Variants in CCSER1 observed in about 807,000 individuals in gnomAD.
The protein encoded by CCSER1 is serine-rich coiled-coil domain-containing protein 1.
In CCSER1, 41 loss-of-function variants were observed where a neutral mutation model predicts 82.0. The ratio of observed to expected loss-of-function variants is 0.50; its 90% CI spans 0.39 to 0.65. The LOEUF (loss-of-function observed/expected upper bound fraction) is 0.65, where lower values mean the gene tolerates loss of function less well. CCSER1 is among the 30% of genes least tolerant of loss of function. The pLI is 0.00. For missense variants in CCSER1, 1,119 were observed against 1,064.2 expected (o/e 1.05, Z -0.72); for synonymous variants, 414 against 383.9 (o/e 1.08, Z -0.92).
chr4:91,267,834 T>C (rs1200803424), intron 10 of CCSER1, among the ~76,000 whole-genome samples: 1 of 152,242 alleles, frequency 6.6e-6, no homozygotes, highest in Non-Finnish European at 1.5e-5. Context: ...TTGTGATTAC[T>C]ATTGTAAGTT....
intron 9 of CCSER1, among the ~76,000 whole-genome samples, chr4:91,039,961 A>G (rs1313036471): frequency 1.3e-5 from 2 of 152,268 alleles, no homozygotes; most frequent in Middle Eastern, 3.4e-3. Context: ...TTTACTCCCA[A>G]AATTCAAAGA....
intron 5 of CCSER1, among the ~76,000 whole-genome samples, chr4:90,602,150 G>A (rs574822355): frequency 6.6e-6 from 1 of 152,130 alleles, no homozygotes; most frequent in South Asian, 2.1e-4. Flanking sequence ...CTATAATGGG[G>A]CATTTTCAGT....
intron 4 of CCSER1, among the ~76,000 whole-genome samples, chr4:90,457,703 T>C (rs1229170314): frequency 6.6e-6 from 1 of 152,116 alleles, no homozygotes; most frequent in Non-Finnish European, 1.5e-5. Context: ...GATTGTTCCA[T>C]GGGCGGCCAT....
At chr4:91,431,498 G>A (rs906478142) in intron 10 of CCSER1, among the ~76,000 whole-genome samples, 8 of 151,840 alleles carry the variant, frequency 5.3e-5, no homozygotes, top group South Asian at 2.1e-4. Context: ...ATGGGGTTTC[G>A]CTCTTGTTGC....
At chr4:91,078,021 C>T (rs1722204719) in intron 9 of CCSER1, among the ~76,000 whole-genome samples, 2 of 152,212 alleles carry the variant, frequency 1.3e-5, no homozygotes, top group Non-Finnish European at 2.9e-5. Flanking sequence ...AGGGGCAGGG[C>T]ATAGCCGAAC....
chr4:90,799,437 A>T (rs2149693323), intron 7 of CCSER1, among the ~76,000 whole-genome samples: 1 of 152,264 alleles, frequency 6.6e-6, no homozygotes, highest in Admixed American at 6.5e-5. Context: ...TGGGGAAGCT[A>T]CAGTATGGGG....
At chr4:91,198,597 A>C (rs1286163514) in intron 10 of CCSER1, among the ~76,000 whole-genome samples, 1 of 152,186 alleles carries the variant, frequency 6.6e-6, no homozygotes, top group African/African-American at 2.4e-5. Context: ...TGATATATAC[A>C]TCACATAATC....
intron 5 of CCSER1, among the ~76,000 whole-genome samples, chr4:90,517,632 T>C (rs981334662): frequency 2.0e-5 from 3 of 152,114 alleles, no homozygotes; most frequent in Admixed American, 6.6e-5. Context: ...CCTCTGCAAC[T>C]AGATTTAAAG....
chr4:90,490,570 T>G (rs1189319388), intron 5 of CCSER1, among the ~76,000 whole-genome samples: 9 of 152,204 alleles, frequency 5.9e-5, no homozygotes, highest in Non-Finnish European at 1.2e-4. Context: ...CCATTGCTTT[T>G]GGTGTTTATA....
At chr4:90,440,180 C>A (rs999557576) in intron 4 of CCSER1, among the ~76,000 whole-genome samples, 1 of 151,596 alleles carries the variant, frequency 6.6e-6, no homozygotes, top group African/African-American at 2.4e-5. Flanking sequence ...GTTTTTTTTA[C>A]TTTTTGTAGA....
chr4:91,169,347 A>G (rs1732508690), intron 10 of CCSER1, among the ~76,000 whole-genome samples: 1 of 152,090 alleles, frequency 6.6e-6, no homozygotes, highest in South Asian at 2.1e-4. Context: ...TTGGCCAGGC[A>G]TGGTGTCTCA....
intron 10 of CCSER1, among the ~76,000 whole-genome samples, chr4:91,449,621 C>A (rs970293973): frequency 6.6e-6 from 1 of 152,018 alleles, no homozygotes; most frequent in African/African-American, 2.4e-5. Flanking sequence ...GGGCGGACCT[C>A]ATTTGGTTCT....
At chr4:91,028,865 A>G (rs1011075858) in intron 9 of CCSER1, among the ~76,000 whole-genome samples, 6 of 152,086 alleles carry the variant, frequency 3.9e-5, no homozygotes, top group African/African-American at 1.4e-4. Context: ...TAGCAGAAAC[A>G]TAATTTAGAA....
chr4:91,342,924 T>G (rs955753306), intron 10 of CCSER1, among the ~76,000 whole-genome samples: 3 of 152,142 alleles, frequency 2.0e-5, no homozygotes, highest in African/African-American at 7.2e-5. Flanking sequence ...AGCTTTGTGA[T>G]TAATTCACTC....
At chr4:90,562,782 C>G (rs59713366) in intron 5 of CCSER1, among the ~76,000 whole-genome samples, 4,035 of 151,444 alleles carry the variant, frequency 0.027, 138 homozygotes, top group South Asian at 0.087. Flanking sequence ...AAGCAGTCCT[C>G]CTGCCTTGGC....
chr4:90,313,107 A>C, intron 3 of CCSER1, 60 bp downstream of exon 3: 1 of 1,306,886 alleles, frequency 7.7e-7, no homozygotes, highest in Non-Finnish European at 1.1e-6. Flanking sequence ...CGACATGTTC[A>C]TGTCTCTTGC....
intron 5 of CCSER1, among the ~76,000 whole-genome samples, chr4:90,536,031 G>GTTTTTT (rs781671347): frequency 4.3e-5 from 5 of 117,204 alleles, no homozygotes; most frequent in Admixed American, 9.3e-5. Context: ...CTTTCTTTCT[G>GTTTTTT]TTTTTTTTTT....
At chr4:90,386,622 A>T (rs181761620) in intron 3 of CCSER1, among the ~76,000 whole-genome samples, 1 of 152,326 alleles carries the variant, frequency 6.6e-6, no homozygotes, top group African/African-American at 2.4e-5. Flanking sequence ...AAAACCCCAA[A>T]AGCAAATAAA....
At chr4:90,338,326 T>C (rs1284606878) in intron 3 of CCSER1, among the ~76,000 whole-genome samples, 1 of 152,212 alleles carries the variant, frequency 6.6e-6, no homozygotes. Flanking sequence ...GATTTTCTGA[T>C]TGTTTTCTTT....
Sources: gnomAD v4.1 joint callset for allele counts (sites outside exome capture counted in the v4.1 genomes callset) on GRCh38, gnomAD v4.1.1 for gene constraint, MANE v1.5 for transcripts, NCBI Gene and HGNC (gene_info 2026-07-23, HGNC 2026-07-21) for gene names.